Variants in HEATR9 observed in about 807,000 individuals in gnomAD.
HEATR9 encodes the protein HEAT repeat containing 9.
In HEATR9, 54 loss-of-function variants were observed where a neutral mutation model predicts 68.2. The observed-to-expected ratio is 0.79, with a 90% CI of 0.64 to 0.99. The LOEUF (loss-of-function observed/expected upper bound fraction) is 0.99. Ranked by LOEUF, HEATR9 falls within the 50% of genes least tolerant of loss-of-function variation. HEATR9 has a pLI of 0.00. For synonymous variants in HEATR9, 241 were observed against 253.5 expected (o/e 0.95, Z 0.47); for missense variants, 662 against 679.7 (o/e 0.97, Z 0.29).
intron 8 of HEATR9, 93 bp downstream of exon 8, chr17:35,862,902 C>A: frequency 6.4e-7 from 1 of 1,551,032 alleles, no homozygotes. Flanking sequence ...CAAAGCTGTG[C>A]TAGGTTACCT....
At chr17:35,856,505 C>A in intron 12 of HEATR9, 1 of 840,430 alleles carries the variant, frequency 1.2e-6, no homozygotes, top group Non-Finnish European at 1.9e-6. Context: ...GCAACCTATA[C>A]CTAACCTTGG....
chr17:35,860,921 C>T (rs1183544635), intron 8 of HEATR9, among the ~76,000 whole-genome samples: 1 of 152,066 alleles, frequency 6.6e-6, no homozygotes, highest in East Asian at 1.9e-4. Flanking sequence ...TGGCACATGC[C>T]TGTAATCCCA....
In HEATR9 at chr17:35,858,303, G is replaced by A. The variant is rs1417706442; in HGVS notation, c.1049C>T (p.Thr350Ile). 6.2e-7 allele frequency: 1 copy of A among 1,614,192 alleles called. No individual in the cohort carries two copies. The highest frequency in any genetic ancestry group is 8.5e-7 in the Non-Finnish European group (1 of 1,180,026). Residue 350 changes from threonine (T) to isoleucine (I), a missense_variant, in exon 11 of 15, where the codon ACC becomes ATC. Thr to Ile is a moderately conservative substitution (Grantham distance 89). Transcript: ENST00000604834. ...CAGCCCAATGGTCTTGAGCATTTGGGTGGCTTCAAAGCGGTCCTGAGGTCG... is the reference window on the plus strand; with the variant it reads ...CAGCCCAATGGTCTTGAGCATTTGGATGGCTTCAAAGCGGTCCTGAGGTCG... ...SSVLEDRFEA[T>I]QMLKTIGLEQ...
rs115597603 is a variant in HEATR9 at position 35,863,035 on chromosome 17, C to T, written c.716G>A (p.Arg239Gln). 45 of 1,614,214 alleles carry T rather than the reference C, an allele frequency of 2.8e-5. No homozygotes were observed. The highest frequency in any genetic ancestry group is 1.6e-4 in the Middle Eastern group (1 of 6,062). Residue 239 changes from arginine to glutamine, a missense_variant, in exon 8 of 15, where the codon CGA (arginine) becomes CAA (glutamine). Transcript: ENST00000604834. ...GQRMETLTGL[R>Q]MALNSWAAVS... ...AGCAGCCCAGGAGTTAAGAGCCATT[C>T]GTAGCCCCGTCAAAGTCTCCATCCT...
chr17:35,855,812 T>C, intron 13 of HEATR9, 62 bp from the exon 14 acceptor site: 1 of 1,366,448 alleles, frequency 7.3e-7, no homozygotes, highest in East Asian at 2.3e-5. Context: ...TTATACTCTT[T>C]CCCATTCTAG....
chr17:35,855,819 C>G (rs2087750858), intron 13 of HEATR9, 69 bp from the exon 14 acceptor site: 4 of 1,316,094 alleles, frequency 3.0e-6, no homozygotes, highest in Non-Finnish European at 4.4e-6. Context: ...CTTTCCCATT[C>G]TAGCCCCTTT....
At position 35,858,949 on chromosome 17, in the gene HEATR9, T is replaced by A; in HGVS notation, c.878A>T (p.Asn293Ile). 1 of 1,614,172 alleles carries A rather than the reference T, an allele frequency of 6.2e-7. No individual in the cohort carries two copies. The highest frequency in any genetic ancestry group is 2.2e-5 in the East Asian group (1 of 44,874). ...CTGCAACAAGAACTCTTGGACCATG[T>A]TGCTGCAAGGCCTCAGGAAACCCAG... ...LCLGFLRPCS[N>I]MVQEFLLQCL... is the part of the protein sequence containing the mutation. The change falls in exon 9 of 15, where the codon AAC becomes ATC. Residue 293 changes from asparagine to isoleucine, a missense_variant. Physicochemically the swap from Asn to Ile is moderately radical, Grantham distance 149 (BLOSUM62 -3). Coordinates refer to ENST00000604834, the MANE Select transcript of HEATR9 (RefSeq NM_152781.4).
chr17:35,855,476 G>T, intron 14 of HEATR9, 66 bp from the exon 15 acceptor site: 3 of 1,468,588 alleles, frequency 2.0e-6, no homozygotes, highest in Non-Finnish European at 2.8e-6. Flanking sequence ...TCCAGAGAGG[G>T]GGCACCCAAA....
chr17:35,863,218 A>C, intron 7 of HEATR9, 93 bp from the exon 8 acceptor site: 4 of 1,532,732 alleles, frequency 2.6e-6, no homozygotes, highest in Non-Finnish European at 2.7e-6. Flanking sequence ...ATCGAGACCT[A>C]AGTTCCAAGT....
At chr17:35,855,640 AGTG>A in intron 14 of HEATR9, 21 bp downstream of exon 14, 1 of 1,603,318 alleles carries the variant, frequency 6.2e-7, no homozygotes, top group Non-Finnish European at 8.5e-7. Flanking sequence ...AAGAGGAAGA[AGTG>A]GGCAGGAACG....
chr17:35,856,335 T>G, intron 12 of HEATR9, 111 bp from the exon 13 acceptor site: 2 of 1,611,514 alleles, frequency 1.2e-6, no homozygotes, highest in Non-Finnish European at 1.7e-6. Flanking sequence ...GATGCTAATT[T>G]CATTCATTTC....
At chr17:35,857,631 C>T (rs1274242661) in intron 11 of HEATR9, among the ~76,000 whole-genome samples, 3 of 151,810 alleles carry the variant, frequency 2.0e-5, no homozygotes, top group African/African-American at 4.8e-5. Flanking sequence ...TGGTTGCGGG[C>T]GCCTGTAGTC....
intron 8 of HEATR9, among the ~76,000 whole-genome samples, chr17:35,860,368 G>T (rs2087937114): frequency 6.9e-6 from 1 of 144,252 alleles, no homozygotes; most frequent in Admixed American, 6.9e-5. Context: ...CTCCAGCCTG[G>T]GTGACACAGC....
chr17:35,861,677 C>G, intron 8 of HEATR9: 1 of 550,620 alleles, frequency 1.8e-6, no homozygotes, highest in Non-Finnish European at 3.3e-6. Flanking sequence ...GTAAGGCTAA[C>G]CCACTCACTT....
chr17:35,859,284 A>G (rs1312874269), intron 8 of HEATR9, among the ~76,000 whole-genome samples: 2 of 152,120 alleles, frequency 1.3e-5, no homozygotes, highest in African/African-American at 2.4e-5. Context: ...ACTCTCTTCA[A>G]CACTTCTGCT....
intron 8 of HEATR9, 162 bp downstream of exon 8, chr17:35,862,833 A>C (rs2088043920): frequency 1.3e-5 from 13 of 970,996 alleles, no homozygotes; most frequent in Non-Finnish European, 1.8e-5. Flanking sequence ...TAAGTGGCCA[A>C]GCCATATGCT....
chr17:35,861,334 G>C (rs545328918), intron 8 of HEATR9: 1 of 1,461,478 alleles, frequency 6.8e-7, no homozygotes, highest in East Asian at 2.3e-5. Context: ...GTATTTGATA[G>C]GTTCATTTCT....
rs113733432 is a variant in HEATR9, at chr17:35,855,852, G to A, written c.1279-102C>T. The A allele has an allele frequency of 8.0e-6, 8 of 1,001,420 alleles. 1 individual carries two copies. Among genetic ancestry groups the A allele is most frequent in the South Asian group, 1.3e-5 (1 of 75,806 alleles). The allele number at this position is 1,001,420 out of a possible 1,614,324, so 62.0% of individuals were successfully genotyped here. A position where few individuals can be genotyped will look rare whatever the true frequency, so the allele number is the denominator to read the frequency against. ...TTTGTGAGACTCTGCAGCATAGAGA[G>A]GGGGGAGATAGGGTTTCCCAGCTGA... is the stretch of plus-strand genomic sequence containing the variant. On this transcript the variant is annotated intron_variant, in intron 13 of 14. Coordinates refer to ENST00000604834, the MANE Select transcript of HEATR9 (RefSeq NM_152781.4).
In HEATR9 at chr17:35,857,800, G is replaced by A. The variant is rs2087829475; in HGVS notation, c.1152+400C>T. On this transcript the variant is annotated intron_variant, in intron 11 of 14. Transcript: ENST00000604834. Reference sequence around the variant, plus strand: ...AATATAACACCTAGTTTTATAACAAGCTATAGTAAATATAAAAGCAAGGGA... The same window carrying A: ...AATATAACACCTAGTTTTATAACAAACTATAGTAAATATAAAAGCAAGGGA... Among the ~76,000 whole-genome samples the A allele has an allele frequency of 1.3e-5, 2 of 152,150 alleles. 1 individual carries two copies. The highest frequency in any genetic ancestry group is 4.2e-4 in the South Asian group (2 of 4,818).
Sources: gnomAD v4.1 joint callset for allele counts (sites outside exome capture counted in the v4.1 genomes callset) on GRCh38, gnomAD v4.1.1 for gene constraint, MANE v1.5 for transcripts, NCBI Gene and HGNC (gene_info 2026-07-23, HGNC 2026-07-21) for gene names.